Variants in COG6 observed in about 807,000 individuals in gnomAD.
COG6 encodes conserved oligomeric Golgi complex subunit 6.
A neutral mutation model predicts 88.8 loss-of-function variants in COG6; 74 were observed. The ratio of observed to expected loss-of-function variants is 0.83; its 90% CI spans 0.69 to 1.01. The LOEUF (loss-of-function observed/expected upper bound fraction) is 1.01. Ranked by LOEUF, COG6 falls within the 50% of genes least tolerant of loss-of-function variation. The probability of loss-of-function intolerance (pLI) is 0.00; values close to 1 mark genes in which losing one functional copy is unlikely to be tolerated. For synonymous variants in COG6, 286 were observed against 278.7 expected (o/e 1.03, Z -0.26); for missense variants, 800 against 797.9 (o/e 1.00, Z -0.03).
At position 39,706,686 on chromosome 13, in the gene COG6, G is replaced by C. The variant is rs12583551; in HGVS notation, c.1284+7068G>C. ...AAATGCTTTTTTTAAAAAAATTATT[G>C]ATTGATTAATTGATTGGGTCAGAGT... On this transcript the variant is annotated intron_variant, in intron 13 of 18. Coordinates refer to ENST00000455146, the MANE Select transcript of COG6 (RefSeq NM_020751.3). 3.4e-4 allele frequency among the ~76,000 whole-genome samples: 51 copies of C among 152,096 alleles called. No individual in the cohort carries two copies. In the East Asian group the frequency reaches 9.3e-3, roughly 28 times the overall value.
At chr13:39,701,682 A>G (rs1227808382) in intron 13 of COG6, among the ~76,000 whole-genome samples, 1 of 151,930 alleles carries the variant, frequency 6.6e-6, no homozygotes, top group Non-Finnish European at 1.5e-5. Flanking sequence ...TTGGCAATAT[A>G]TATGTGATAG....
intron 18 of COG6, among the ~76,000 whole-genome samples, chr13:39,765,492 A>C (rs1593480893): frequency 6.6e-6 from 1 of 152,218 alleles, no homozygotes; most frequent in East Asian, 1.9e-4. Context: ...AAATAATCTT[A>C]TTTCACTCAC....
chr13:39,769,707 C>G (rs1198536101), intron 18 of COG6, among the ~76,000 whole-genome samples: 1 of 152,098 alleles, frequency 6.6e-6, no homozygotes, highest in Non-Finnish European at 1.5e-5. Flanking sequence ...GAAACCTAAC[C>G]CCCAAGGTAA....
chr13:39,692,442 A>G (rs1261221839), intron 11 of COG6, among the ~76,000 whole-genome samples: 1 of 152,058 alleles, frequency 6.6e-6, no homozygotes, highest in African/African-American at 2.4e-5. Flanking sequence ...GAAAGCAGGT[A>G]TATGTAAAAG....
intron 18 of COG6, among the ~76,000 whole-genome samples, chr13:39,741,796 T>A (rs1481913949): frequency 6.6e-6 from 1 of 151,084 alleles, no homozygotes; most frequent in African/African-American, 2.4e-5. Flanking sequence ...CCAAGACATA[T>A]AATTGTCAGA....
Position 39,701,813 on chromosome 13 carries a change from C to T in COG6, c.1284+2195C>T, listed in dbSNP as rs1043131107. ...TACCAATTAGAAAACATATGGGCCT[C>T]AAGACTGAAAATAGATGCATTAGGC... On this transcript the variant is annotated intron_variant, in intron 13 of 18. Transcript: ENST00000455146. Among the ~76,000 whole-genome samples the T allele has an allele frequency of 3.3e-5, 5 of 151,728 alleles. No individual in the cohort carries two copies. The South Asian group carries it at 1.0e-3, about 32-fold the overall frequency.
chr13:39,705,191 T>C (rs974843554), intron 13 of COG6, among the ~76,000 whole-genome samples: 4 of 152,148 alleles, frequency 2.6e-5, no homozygotes, highest in African/African-American at 7.2e-5. Flanking sequence ...TTTAAGTGAA[T>C]AGTATAATTG....
intron 18 of COG6, among the ~76,000 whole-genome samples, chr13:39,761,018 C>T (rs893306945): frequency 6.6e-6 from 1 of 151,596 alleles, no homozygotes; most frequent in Non-Finnish European, 1.5e-5. Context: ...GTAAATTTGT[C>T]AGTATAATAG....
At chr13:39,680,145 CAAACA>C (rs1876223217) in intron 7 of COG6, 100 bp downstream of exon 7, 1 of 396,094 alleles carries the variant, frequency 2.5e-6, no homozygotes, top group Non-Finnish European at 4.8e-6. Flanking sequence ...TTTTAGTAAT[CAAACA>C]TTTTTTAAAA....
intron 18 of COG6, among the ~76,000 whole-genome samples, chr13:39,728,566 T>C (rs1371608070): frequency 6.6e-6 from 1 of 152,128 alleles, no homozygotes. Flanking sequence ...GACCTTTATA[T>C]TGTATTATTC....
intron 13 of COG6, among the ~76,000 whole-genome samples, chr13:39,701,605 C>T (rs77915573): frequency 0.06 from 9,178 of 151,866 alleles, 380 homozygotes; most frequent in Non-Finnish European, 0.094. Context: ...AAGACAGTTT[C>T]TAGAAGGAGG....
intron 12 of COG6, among the ~76,000 whole-genome samples, chr13:39,694,957 A>ACACG (rs1555277405): frequency 4.1e-5 from 3 of 73,052 alleles, no homozygotes; most frequent in Non-Finnish European, 6.9e-5. Flanking sequence ...AACTACACGC[A>ACACG]CACACACACA....
Position 39,679,958 on chromosome 13 carries a change from C to A in COG6, c.624-17C>A, listed in dbSNP as rs780589657. On this transcript the variant is annotated splice_polypyrimidine_tract_variant and intron_variant, in intron 6 of 18. Transcript: ENST00000455146. ...TGTTGACTAAAGTTTAAATTATAAT[C>A]ATTAATTTTTTTTTAGTTTAGAAAT... 22 of 1,332,128 alleles carry A rather than the reference C, an allele frequency of 1.7e-5. No homozygotes were observed. The highest frequency in any genetic ancestry group is 2.4e-5 in the Non-Finnish European group (22 of 935,760). 82.5% of individuals were successfully genotyped at this position (1,332,128 alleles called of 1,614,324 possible). A position where few individuals can be genotyped will look rare whatever the true frequency, so the allele number is the denominator to read the frequency against.
At position 39,724,501 on chromosome 13, in the gene COG6, TA is replaced by T. The variant is rs66629036; in HGVS notation, c.1693-4del. On this transcript the variant is annotated splice_region_variant and splice_polypyrimidine_tract_variant and intron_variant, in intron 16 of 18. Coordinates refer to ENST00000455146, the MANE Select transcript of COG6 (RefSeq NM_020751.3). ...GGATCTGCTTTTTTTTTTTTTTTTTTAAATAGGGCTCTTTAGCTAATATGCC... is the reference window on the plus strand; with the variant it reads ...GGATCTGCTTTTTTTTTTTTTTTTTTAATAGGGCTCTTTAGCTAATATGCC... 0.27 allele frequency: 323,657 copies of T among 1,206,570 alleles called. 17,821 individuals are homozygous for T. Among genetic ancestry groups the T allele is most frequent in the Admixed American group, 0.41 (16,719 of 40,440 alleles). The allele number at this position is 1,206,570 out of a possible 1,614,324, so 74.7% of individuals were successfully genotyped here. A position where few individuals can be genotyped will look rare whatever the true frequency, so the allele number is the denominator to read the frequency against.
At chr13:39,708,684 A>G (rs1359056016) in intron 13 of COG6, among the ~76,000 whole-genome samples, 3 of 152,174 alleles carry the variant, frequency 2.0e-5, no homozygotes, top group African/African-American at 7.2e-5. Flanking sequence ...GTAAAATATA[A>G]CAATACCTAA....
At chr13:39,693,928 T>C (rs1459505589) in intron 11 of COG6, among the ~76,000 whole-genome samples, 3 of 151,938 alleles carry the variant, frequency 2.0e-5, no homozygotes, top group Admixed American at 6.6e-5. Flanking sequence ...AGCAAGAAGA[T>C]AGAATGTAAG....
chr13:39,719,049 AAG>A (rs1463095507), intron 13 of COG6, among the ~76,000 whole-genome samples, 185 bp from the exon 14 acceptor site: 1 of 152,146 alleles, frequency 6.6e-6, no homozygotes, highest in Non-Finnish European at 1.5e-5. Flanking sequence ...TAATCTGACA[AAG>A]AACTTTTCTC....
rs764650974 is a variant in COG6, at chr13:39,655,813, G to T, written c.87G>T (p.Ala29=). 6.2e-7 allele frequency: 1 copy of T among 1,600,768 alleles called. No homozygotes were observed. The highest frequency in any genetic ancestry group is 2.3e-5 in the East Asian group (1 of 44,142). The part of the protein sequence containing the change: ...GLNNGAGGTS[A]TTCNPLSRKL... The stretch of plus-strand genomic sequence containing the variant: ...ACAATGGGGCAGGCGGGACCTCGGC[G>T]ACGACCTGCAACCCGCTGTCGCGCA... Residue 29 remains alanine, a synonymous_variant, in exon 1 of 19, where the codon GCG becomes GCT. Coordinates refer to ENST00000455146, the MANE Select transcript of COG6 (RefSeq NM_020751.3).
chr13:39,658,024 TC>T (rs1200556297), intron 1 of COG6, among the ~76,000 whole-genome samples: 2 of 151,150 alleles, frequency 1.3e-5, no homozygotes, highest in Non-Finnish European at 2.9e-5. Context: ...ATTTACCCAG[TC>T]AAGCAAGAAG....
Sources: gnomAD v4.1 joint callset for allele counts (sites outside exome capture counted in the v4.1 genomes callset) on GRCh38, gnomAD v4.1.1 for gene constraint, MANE v1.5 for transcripts, NCBI Gene and HGNC (gene_info 2026-07-23, HGNC 2026-07-21) for gene names.